TMC1: variants seen among roughly 807,000 people sequenced by gnomAD.
The protein encoded by TMC1 is transmembrane channel like 1.
TMC1 carries 84 observed loss-of-function variants against 105.8 expected under a neutral mutation model. The observed-to-expected ratio is 0.79, with a 90% CI of 0.67 to 0.95. The LOEUF (loss-of-function observed/expected upper bound fraction) is 0.95, where lower values mean the gene tolerates loss of function less well. Ranked by LOEUF, TMC1 falls within the 40% of genes least tolerant of loss-of-function variation. The pLI is 0.00. For missense variants in TMC1, 817 were observed against 914.1 expected, an observed-to-expected ratio of 0.89 and a Z score of 1.37; for synonymous variants, 315 against 311.5, an observed-to-expected ratio of 1.01 and a Z score of -0.12.
At chr9:72,726,869 A>G (rs1273633180) in intron 8 of TMC1, among the ~76,000 whole-genome samples, 2 of 152,354 alleles carry the variant, frequency 1.3e-5, no homozygotes, top group South Asian at 2.1e-4. Flanking sequence ...TTGTGTTGAA[A>G]CACATTACCT....
chr9:72,830,864 G>A (rs949414700), intron 23 of TMC1, among the ~76,000 whole-genome samples, 182 bp downstream of exon 23: 2 of 150,646 alleles, frequency 1.3e-5, no homozygotes, highest in Non-Finnish European at 2.9e-5. Context: ...CAGGGTATTT[G>A]GTTGTTTTCT....
intron 8 of TMC1, among the ~76,000 whole-genome samples, chr9:72,725,652 T>TG (rs1827110140): frequency 6.6e-6 from 1 of 151,624 alleles, no homozygotes; most frequent in Non-Finnish European, 1.5e-5. Flanking sequence ...AGATTAAGGG[T>TG]GCATCTGCCT....
intron 5 of TMC1, among the ~76,000 whole-genome samples, chr9:72,672,118 G>T (rs902571386): frequency 2.0e-5 from 3 of 152,114 alleles, no homozygotes; most frequent in African/African-American, 7.2e-5. Flanking sequence ...GTCCCACATT[G>T]GTGACACCTG....
intron 2 of TMC1, among the ~76,000 whole-genome samples, chr9:72,587,787 A>AT (rs1305772110): frequency 0.012 from 1,731 of 142,052 alleles, 18 homozygotes; most frequent in African/African-American, 0.032. Context: ...TTAATTTTTA[A>AT]TTTTTTTTTT....
At chr9:72,805,238 T>G in intron 17 of TMC1, 144 bp from the exon 18 acceptor site, 1 of 673,176 alleles carries the variant, frequency 1.5e-6, no homozygotes, top group Non-Finnish European at 2.5e-6. Flanking sequence ...TTTATTTACT[T>G]GATATGACTA....
intron 17 of TMC1, among the ~76,000 whole-genome samples, chr9:72,793,726 T>C (rs1828316149): frequency 6.6e-6 from 1 of 152,142 alleles, no homozygotes; most frequent in African/African-American, 2.4e-5. Flanking sequence ...ACATCTGAGG[T>C]GACCAGGGAC....
intron 2 of TMC1, among the ~76,000 whole-genome samples, chr9:72,594,260 A>G (rs1460657376): frequency 2.6e-5 from 4 of 152,196 alleles, no homozygotes; most frequent in Non-Finnish European, 5.9e-5. Context: ...CCATAAATTC[A>G]TGAAGAGCTG....
chr9:72,716,369 C>A (rs1222780917), intron 8 of TMC1, among the ~76,000 whole-genome samples: 3 of 152,214 alleles, frequency 2.0e-5, no homozygotes, highest in Non-Finnish European at 2.9e-5. Context: ...ACAAACTCCC[C>A]TTCCCCCAGG....
At chr9:72,830,408 C>G (rs1001659894) in intron 21 of TMC1, 43 bp from the exon 22 acceptor site, 3 of 1,381,578 alleles carry the variant, frequency 2.2e-6, no homozygotes, top group Non-Finnish European at 3.1e-6. Context: ...TCTTGGGGAA[C>G]TGAAATATAC....
chr9:72,692,276 C>G (rs1826477808), intron 6 of TMC1, among the ~76,000 whole-genome samples: 1 of 152,326 alleles, frequency 6.6e-6, no homozygotes, highest in South Asian at 2.1e-4. Context: ...CAGTTGTTTT[C>G]TCCCCTCCCC....
At position 72,521,618 on chromosome 9, in the gene TMC1, G is replaced by C. The variant is rs977300066; in HGVS notation, c.-723G>C. 2 of 151,884 alleles carry C rather than the reference G, an allele frequency of 1.3e-5. No homozygotes were observed. The highest frequency in any genetic ancestry group is 4.8e-5 in the African/African-American group (2 of 41,306). The allele number at this position is 151,884 out of a possible 1,614,324, so 9.4% of individuals were successfully genotyped here. The stretch of plus-strand genomic sequence containing the variant: ...CCTCTACAAAAACATGATGGCGCGC[G>C]ACTGTTTCCCATCTACTCAGAGGCT... On this transcript the variant is annotated 5_prime_UTR_variant, in exon 1 of 24. Transcript: ENST00000297784.
chr9:72,584,849 A>G (rs1824530002), intron 2 of TMC1, among the ~76,000 whole-genome samples: 2 of 141,200 alleles, frequency 1.4e-5, no homozygotes, highest in Admixed American at 7.6e-5. Flanking sequence ...CAGTGACACA[A>G]TCTTGGCTCA....
In TMC1 at chr9:72,836,088, T is replaced by C. The variant is rs779468901; in HGVS notation, c.*115T>C. On this transcript the variant is annotated 3_prime_UTR_variant, in exon 24 of 24. Transcript: ENST00000297784. ...GAACTGCTATTTTCCTGTTCTACCC[T>C]TGATGGATTTTCAAGGTCATGCTGG... 3 of 1,226,604 alleles carry C rather than the reference T, an allele frequency of 2.4e-6. No homozygotes were observed. The highest frequency in any genetic ancestry group is 1.5e-5 in the African/African-American group (1 of 67,638). The allele number at this position is 1,226,604 out of a possible 1,614,324, so 76.0% of individuals were successfully genotyped here. A position where few individuals can be genotyped will look rare whatever the true frequency, so the allele number is the denominator to read the frequency against.
intron 1 of TMC1, among the ~76,000 whole-genome samples, chr9:72,542,400 C>T (rs1199715385): frequency 1.3e-5 from 2 of 152,036 alleles, no homozygotes; most frequent in South Asian, 2.1e-4. Flanking sequence ...GTGGAGGTTG[C>T]AGTGAGCTGA....
intron 5 of TMC1, among the ~76,000 whole-genome samples, chr9:72,677,612 CAA>C (rs1292251467): frequency 1.3e-5 from 2 of 152,150 alleles, no homozygotes; most frequent in East Asian, 1.9e-4. Context: ...TACTAAATGA[CAA>C]GAGATGAGAT....
rs142058630 is a variant in TMC1, at chr9:72,776,695, G to C, written c.884+4140G>C. On this transcript the variant is annotated intron_variant, in intron 13 of 23. Coordinates refer to ENST00000297784, the MANE Select transcript of TMC1 (RefSeq NM_138691.3). ...TATATACTGTGTTGAGTACCCATTA[G>C]TTATTCCTATTGGATGGATGGAGAA... 1.9e-3 allele frequency among the ~76,000 whole-genome samples: 291 copies of C among 152,250 alleles called. 1 individual carries two copies. The highest frequency in any genetic ancestry group is 0.01 in the Middle Eastern group (3 of 294).
At chr9:72,652,895 C>A (rs901810787) in intron 5 of TMC1, among the ~76,000 whole-genome samples, 12 of 152,120 alleles carry the variant, frequency 7.9e-5, no homozygotes, top group African/African-American at 2.9e-4. Flanking sequence ...GCAATCATCA[C>A]CATGTTGCTA....
chr9:72,682,038 G>GCCTC (rs1293005112), intron 5 of TMC1, among the ~76,000 whole-genome samples: 11 of 152,036 alleles, frequency 7.2e-5, no homozygotes, highest in Admixed American at 7.2e-4. Context: ...ATTTTTGCCT[G>GCCTC]CCTCCCTCTT....
chr9:72,786,786 A>G (rs1223555788), intron 13 of TMC1, among the ~76,000 whole-genome samples: 1 of 152,110 alleles, frequency 6.6e-6, no homozygotes, highest in Admixed American at 6.5e-5. Context: ...AGATGTTCCC[A>G]GTCTGCTCAT....
Sources: gnomAD v4.1 joint callset for allele counts (sites outside exome capture counted in the v4.1 genomes callset) on GRCh38, gnomAD v4.1.1 for gene constraint, MANE v1.5 for transcripts, NCBI Gene and HGNC (gene_info 2026-07-23, HGNC 2026-07-21) for gene names.